The following RTN4RL1 variants were observed in gnomAD, a reference collection of about 807,000 sequenced individuals.
RTN4RL1 encodes reticulon-4 receptor-like 1.
RTN4RL1 carries 7 observed loss-of-function variants against 25.6 expected under a neutral mutation model. That is an observed-to-expected ratio of 0.27 (90% CI 0.16 to 0.51). The LOEUF is 0.51. Ranked by LOEUF, RTN4RL1 falls within the 20% of genes least tolerant of loss-of-function variation. RTN4RL1 has a pLI of 0.97. For missense variants in RTN4RL1, 500 were observed against 615.6 expected, an observed-to-expected ratio of 0.81 and a Z score of 1.99; for synonymous variants, 297 against 288.2, an observed-to-expected ratio of 1.03 and a Z score of -0.31.
Position 1,936,469 on chromosome 17 carries a change from A to C in RTN4RL1, c.*27T>G. 6.6e-7 allele frequency: 1 copy of C among 1,513,388 alleles called. No homozygotes were observed. Among genetic ancestry groups the C allele is most frequent in the Non-Finnish European group, 8.8e-7 (1 of 1,138,620 alleles). The allele number at this position is 1,513,388 out of a possible 1,614,324, so 93.7% of individuals were successfully genotyped here. A position where few individuals can be genotyped will look rare whatever the true frequency, so the allele number is the denominator to read the frequency against. ...TTCTGTTCCTTGGTGGACATGTGGC[A>C]GTGCTGGGTGCTGACGCCCTGGGTC... is the stretch of plus-strand genomic sequence containing the variant. On this transcript the variant is annotated 3_prime_UTR_variant, in exon 2 of 2. Coordinates refer to ENST00000331238, the MANE Select transcript of RTN4RL1 (RefSeq NM_178568.4).
chr17:1,982,961 G>T (rs1278794112), intron 1 of RTN4RL1, among the ~76,000 whole-genome samples: 1 of 152,178 alleles, frequency 6.6e-6, no homozygotes, highest in East Asian at 1.9e-4. Context: ...CAGGCACCCC[G>T]CAGGGCAGCA....
intron 1 of RTN4RL1, among the ~76,000 whole-genome samples, chr17:1,996,354 C>G (rs2066929338): frequency 6.6e-6 from 1 of 152,108 alleles, no homozygotes; most frequent in Non-Finnish European, 1.5e-5. Context: ...AAATCTTGGG[C>G]AGAGTACGGG....
At chr17:2,000,654 G>A in intron 1 of RTN4RL1, among the ~76,000 whole-genome samples, 1 of 152,024 alleles carries the variant, frequency 6.6e-6, no homozygotes, top group Non-Finnish European at 1.5e-5. Flanking sequence ...TGAGTAGCTG[G>A]GATTACAGGG....
At chr17:1,950,011 C>T (rs1055524352) in intron 1 of RTN4RL1, among the ~76,000 whole-genome samples, 10 of 152,228 alleles carry the variant, frequency 6.6e-5, no homozygotes, top group Admixed American at 1.3e-4. Flanking sequence ...GGGGTCAGAA[C>T]AGCAGGAGCC....
chr17:1,952,194 T>C (rs1477233033), intron 1 of RTN4RL1, among the ~76,000 whole-genome samples: 2 of 152,194 alleles, frequency 1.3e-5, no homozygotes, highest in Non-Finnish European at 2.9e-5. Flanking sequence ...GCTGCCATCA[T>C]GCACGAATAC....
intron 1 of RTN4RL1, among the ~76,000 whole-genome samples, chr17:1,945,538 A>T (rs1915519453): frequency 6.6e-6 from 1 of 151,534 alleles, no homozygotes; most frequent in Admixed American, 6.6e-5. Context: ...AAAAATAGAG[A>T]TGGGGTTTCA....
At chr17:1,959,583 G>C (rs779595248) in intron 1 of RTN4RL1, among the ~76,000 whole-genome samples, 4 of 152,028 alleles carry the variant, frequency 2.6e-5, no homozygotes, top group African/African-American at 9.7e-5. Flanking sequence ...GTTTTGTTTT[G>C]AGGCAGAGTC....
intron 1 of RTN4RL1, among the ~76,000 whole-genome samples, chr17:1,979,717 A>C (rs2066858917): frequency 6.6e-6 from 1 of 152,188 alleles, no homozygotes; most frequent in Non-Finnish European, 1.5e-5. Context: ...CCAGAGACAG[A>C]CCAGGACAGA....
At chr17:2,023,154 C>G (rs966944545) in intron 1 of RTN4RL1, among the ~76,000 whole-genome samples, 1 of 152,226 alleles carries the variant, frequency 6.6e-6, no homozygotes, top group East Asian at 1.9e-4. Context: ...ACCTGCAGCC[C>G]AGACATGGCG....
At chr17:1,951,816 C>T (rs1376715424) in intron 1 of RTN4RL1, among the ~76,000 whole-genome samples, 1 of 152,198 alleles carries the variant, frequency 6.6e-6, no homozygotes, top group African/African-American at 2.4e-5. Flanking sequence ...CGAAGACTAA[C>T]GTGAGGACAG....
chr17:1,950,326 C>A (rs1370296474), intron 1 of RTN4RL1, among the ~76,000 whole-genome samples: 2 of 152,042 alleles, frequency 1.3e-5, no homozygotes, highest in Non-Finnish European at 2.9e-5. Context: ...GGTCACGGGG[C>A]GGCTTCCCAA....
chr17:1,955,993 A>G lies in RTN4RL1; in HGVS notation c.14-18185T>C, dbSNP rs149815164. ...ACAACCATTGACAGAGCCTTGCTGT[A>G]TCTTCTTTCAATACTTCCCTTTTTA... On this transcript the variant is annotated intron_variant, in intron 1 of 1. Transcript: ENST00000331238. 6.4e-3 allele frequency among the ~76,000 whole-genome samples: 970 copies of G among 152,298 alleles called. 14 individuals are homozygous for G. The highest frequency in any genetic ancestry group is 0.021 in the African/African-American group (892 of 41,560).
chr17:1,946,560 CTGTG>C (rs1239689562), intron 1 of RTN4RL1, among the ~76,000 whole-genome samples: 8 of 148,712 alleles, frequency 5.4e-5, no homozygotes, highest in Non-Finnish European at 1.0e-4. Flanking sequence ...GTGTGTGTCT[CTGTG>C]TGAATGTGTG....
At chr17:2,021,854 CTTTT>C (rs869227846) in intron 1 of RTN4RL1, among the ~76,000 whole-genome samples, 1 of 88,344 alleles carries the variant, frequency 1.1e-5, no homozygotes, top group Non-Finnish European at 2.1e-5. Context: ...TGTGCCCGGT[CTTTT>C]TTTTTTTTTT....
At chr17:1,993,161 T>A (rs570952372) in intron 1 of RTN4RL1, among the ~76,000 whole-genome samples, 72 of 152,160 alleles carry the variant, frequency 4.7e-4, no homozygotes, top group African/African-American at 1.7e-3. Context: ...GGCAGGAGAA[T>A]CGCTTGAACC....
intron 1 of RTN4RL1, among the ~76,000 whole-genome samples, chr17:1,938,012 C>T (rs576652182): frequency 3.9e-5 from 6 of 152,226 alleles, no homozygotes; most frequent in Non-Finnish European, 8.8e-5. Flanking sequence ...TGACCCACTT[C>T]TGCTGGGCTG....
intron 1 of RTN4RL1, among the ~76,000 whole-genome samples, chr17:1,944,122 A>C (rs1915491238): frequency 1.3e-5 from 2 of 151,996 alleles, no homozygotes; most frequent in African/African-American, 4.8e-5. Context: ...ATAGGATCTC[A>C]CTATGTTCCC....
chr17:2,004,336 C>T (rs1277252202), intron 1 of RTN4RL1, among the ~76,000 whole-genome samples: 1 of 145,168 alleles, frequency 6.9e-6, no homozygotes. Context: ...CCACTGCACT[C>T]CAGCCTGGGC....
chr17:1,959,270 AG>A (rs765703287), intron 1 of RTN4RL1, among the ~76,000 whole-genome samples: 9 of 152,270 alleles, frequency 5.9e-5, no homozygotes, highest in Admixed American at 3.9e-4. Flanking sequence ...CAGACTCACC[AG>A]AGAGGCAGTC....
Sources: allele counts gnomAD v4.1 joint callset (sites outside exome capture counted in the v4.1 genomes callset), GRCh38; gene constraint gnomAD v4.1.1; transcripts MANE v1.5; gene names NCBI Gene and HGNC (gene_info 2026-07-23, HGNC 2026-07-21).